KIAA1958: variants seen among roughly 807,000 people sequenced by gnomAD.
KIAA1958 encodes the protein KIAA1958.
In KIAA1958, 14 loss-of-function variants were observed where a neutral mutation model predicts 47.2. That is an observed-to-expected ratio of 0.30 (90% CI 0.20 to 0.46). The LOEUF (loss-of-function observed/expected upper bound fraction) is 0.46, where lower values mean the gene tolerates loss of function less well. Ranked by LOEUF, KIAA1958 falls within the 20% of genes least tolerant of loss-of-function variation. The pLI is 1.00. For synonymous variants in KIAA1958, 354 were observed against 353.3 expected, an observed-to-expected ratio of 1.00 and a Z score of -0.02; for missense variants, 803 against 909.2, an observed-to-expected ratio of 0.88 and a Z score of 1.50.
In KIAA1958 at chr9:112,503,671, G is replaced by A. The variant is rs536407435; in HGVS notation, c.-25+16553G>A. On this transcript the variant is annotated intron_variant, in intron 1 of 3. Coordinates refer to ENST00000337530, the MANE Select transcript of KIAA1958 (RefSeq NM_133465.4). ...CTCCGCTAGAGTGAAGGAGGGGAGAGCTGCAAGGAAAAAGAGTTGCAAGAG... is the reference window on the plus strand; with the variant it reads ...CTCCGCTAGAGTGAAGGAGGGGAGAACTGCAAGGAAAAAGAGTTGCAAGAG... 6.0e-5 allele frequency among the ~76,000 whole-genome samples: 9 copies of A among 150,218 alleles called. No individual in the cohort carries two copies. In the South Asian group the frequency reaches 1.1e-3, roughly 18 times the overall value.
At position 112,667,314 on chromosome 9, in the gene KIAA1958, C is replaced by G. The variant is rs994572817; in HGVS notation, c.*7245C>G. 1 of 152,186 alleles carries G rather than the reference C, an allele frequency of 6.6e-6. No homozygotes were observed. Among genetic ancestry groups the G allele is most frequent in the Non-Finnish European group, 1.5e-5 (1 of 68,044 alleles). 9.4% of individuals were successfully genotyped at this position (152,186 alleles called of 1,614,324 possible). A position where few individuals can be genotyped will look rare whatever the true frequency, so the allele number is the denominator to read the frequency against. On this transcript the variant is annotated 3_prime_UTR_variant, in exon 4 of 4. Coordinates refer to ENST00000337530, the MANE Select transcript of KIAA1958 (RefSeq NM_133465.4). ...TCAATGGGCCAGGCGCGGTGGCTCACGCCTATAATCCAAGCACTTTGGGAT... is the reference window on the plus strand; with the variant it reads ...TCAATGGGCCAGGCGCGGTGGCTCAGGCCTATAATCCAAGCACTTTGGGAT...
intron 1 of KIAA1958, among the ~76,000 whole-genome samples, chr9:112,534,574 G>A (rs1018872755): frequency 2.0e-5 from 3 of 149,364 alleles, no homozygotes; most frequent in Non-Finnish European, 3.0e-5. Flanking sequence ...ATGGAGTTTC[G>A]TTCTTATTGC....
At chr9:112,503,179 G>T (rs910950131) in intron 1 of KIAA1958, among the ~76,000 whole-genome samples, 1 of 152,196 alleles carries the variant, frequency 6.6e-6, no homozygotes, top group Non-Finnish European at 1.5e-5. Flanking sequence ...GTAAGGTCTT[G>T]ACATTTTAGA....
rs1460192500 is a variant in KIAA1958 at position 112,660,727 on chromosome 9, A to G, written c.*658A>G. ...CTCGGCTGTCAATGGAGAGAATTTT[A>G]TGATAAAAGATTCACGCACCAGAAG... On this transcript the variant is annotated 3_prime_UTR_variant, in exon 4 of 4. Coordinates refer to ENST00000337530, the MANE Select transcript of KIAA1958 (RefSeq NM_133465.4). 1 of 152,464 alleles carries G rather than the reference A, an allele frequency of 6.6e-6. No individual in the cohort carries two copies. The highest frequency in any genetic ancestry group is 1.5e-5 in the Non-Finnish European group (1 of 68,270). The allele number at this position is 152,464 out of a possible 1,614,324, so 9.4% of individuals were successfully genotyped here.
chr9:112,549,209 A>G (rs547359281), intron 1 of KIAA1958, among the ~76,000 whole-genome samples: 1 of 152,346 alleles, frequency 6.6e-6, no homozygotes, highest in Admixed American at 6.5e-5. Context: ...GCACCTTTAT[A>G]TTGCTTGACA....
intron 2 of KIAA1958, among the ~76,000 whole-genome samples, chr9:112,634,244 T>G (rs959442263): frequency 2.6e-5 from 4 of 152,354 alleles, no homozygotes; most frequent in Non-Finnish European, 5.9e-5. Flanking sequence ...TGTCCTTTTT[T>G]TGGGATGGAG....
At chr9:112,631,570 C>A in intron 2 of KIAA1958, among the ~76,000 whole-genome samples, 1 of 147,576 alleles carries the variant, frequency 6.8e-6, no homozygotes, top group African/African-American at 2.5e-5. Context: ...AGTAAAACCA[C>A]CATTTGCTTT....
intron 1 of KIAA1958, among the ~76,000 whole-genome samples, chr9:112,521,803 TA>T (rs1834548793): frequency 6.6e-6 from 1 of 152,078 alleles, no homozygotes; most frequent in South Asian, 2.1e-4. Context: ...TTTAGTTTTT[TA>T]AAAAAATCAA....
At chr9:112,567,474 A>G (rs1835445044) in intron 1 of KIAA1958, among the ~76,000 whole-genome samples, 1 of 152,190 alleles carries the variant, frequency 6.6e-6, no homozygotes, top group Non-Finnish European at 1.5e-5. Flanking sequence ...TTGGAAAGAA[A>G]GGGAAAGAAC....
At chr9:112,521,897 G>A (rs2132796687) in intron 1 of KIAA1958, among the ~76,000 whole-genome samples, 1 of 152,106 alleles carries the variant, frequency 6.6e-6, no homozygotes, top group East Asian at 1.9e-4. Context: ...TAAATGAAAT[G>A]TCTTTATTTT....
At chr9:112,494,613 G>A (rs1402834364) in intron 1 of KIAA1958, among the ~76,000 whole-genome samples, 1 of 151,662 alleles carries the variant, frequency 6.6e-6, no homozygotes, top group African/African-American at 2.4e-5. Context: ...GACTACAGAT[G>A]TGCATCACCA....
At chr9:112,491,378 A>G (rs1587985906) in intron 1 of KIAA1958, among the ~76,000 whole-genome samples, 1 of 152,210 alleles carries the variant, frequency 6.6e-6, no homozygotes. Context: ...TCTTCTCTGC[A>G]TGAACTTTGG....
intron 1 of KIAA1958, among the ~76,000 whole-genome samples, chr9:112,494,417 C>G (rs1338742439): frequency 6.7e-6 from 1 of 149,578 alleles, no homozygotes; most frequent in Non-Finnish European, 1.5e-5. Flanking sequence ...TATATTTGCT[C>G]TATTTTTATG....
chr9:112,520,491 T>A (rs1363615934), intron 1 of KIAA1958, among the ~76,000 whole-genome samples: 1 of 152,240 alleles, frequency 6.6e-6, no homozygotes, highest in African/African-American at 2.4e-5. Context: ...AGAGCTGTGG[T>A]ATTCTGTATA....
At chr9:112,568,676 C>G (rs1006105133) in intron 1 of KIAA1958, among the ~76,000 whole-genome samples, 2 of 151,750 alleles carry the variant, frequency 1.3e-5, no homozygotes, top group African/African-American at 4.8e-5. Context: ...CTCAGGACTT[C>G]AAGACCAGCC....
chr9:112,632,262 A>G (rs932950210), intron 2 of KIAA1958, among the ~76,000 whole-genome samples: 1 of 152,066 alleles, frequency 6.6e-6, no homozygotes, highest in Admixed American at 6.5e-5. Flanking sequence ...TTCTTTTTAA[A>G]TTAATATATT....
chr9:112,505,053 A>G (rs539707433), intron 1 of KIAA1958, among the ~76,000 whole-genome samples: 9 of 152,200 alleles, frequency 5.9e-5, no homozygotes, highest in East Asian at 1.9e-4. Flanking sequence ...CCCTCACTCA[A>G]CTTTCCCAGT....
intron 2 of KIAA1958, among the ~76,000 whole-genome samples, chr9:112,613,032 T>TC (rs1278119379): frequency 1.3e-5 from 2 of 151,818 alleles, no homozygotes; most frequent in Middle Eastern, 3.2e-3. Flanking sequence ...AGTATGTTCC[T>TC]CCCCCCCATT....
rs139983077 is a variant in KIAA1958, at chr9:112,625,414, A to G, written c.1172-20236A>G. On this transcript the variant is annotated intron_variant, in intron 2 of 3. Transcript: ENST00000337530. ...AGTGATCCCCCCACCTCAGCCTCCCAAAGTGCTAGAATTACAGGCATGAGC... is the reference window on the plus strand; with the variant it reads ...AGTGATCCCCCCACCTCAGCCTCCCGAAGTGCTAGAATTACAGGCATGAGC... Among the ~76,000 whole-genome samples, 830 of 152,248 alleles carry G rather than the reference A, an allele frequency of 5.5e-3. 11 individuals are homozygous for G. The highest frequency in any genetic ancestry group is 0.019 in the African/African-American group (797 of 41,562).
Sources: gnomAD v4.1 joint callset for allele counts (sites outside exome capture counted in the v4.1 genomes callset) on GRCh38, gnomAD v4.1.1 for gene constraint, MANE v1.5 for transcripts, NCBI Gene and HGNC (gene_info 2026-07-23, HGNC 2026-07-21) for gene names.